DSE: variants seen among roughly 807,000 people sequenced by gnomAD.
DSE encodes the protein dermatan-sulfate epimerase.
In DSE, 36 loss-of-function variants were observed where a neutral mutation model predicts 84.4. That is an observed-to-expected ratio of 0.43 (90% CI 0.33 to 0.56). DSE has a LOEUF of 0.56. Among genes scored for constraint, DSE ranks in the 20% least tolerant of loss-of-function variants. The pLI is 0.06. For synonymous variants in DSE, 410 were observed against 430.1 expected (o/e 0.95, Z 0.58); for missense variants, 862 against 1,169.6 (o/e 0.74, Z 3.84).
At chr6:116,392,348 G>A (rs1780961841) in intron 1 of DSE, among the ~76,000 whole-genome samples, 2 of 152,170 alleles carry the variant, frequency 1.3e-5, no homozygotes, top group South Asian at 2.1e-4. Context: ...TGTTTTCCAC[G>A]GGAGAGGGTG....
intron 2 of DSE, among the ~76,000 whole-genome samples, chr6:116,416,184 C>T (rs1044666462): frequency 1.3e-5 from 2 of 152,136 alleles, no homozygotes; most frequent in South Asian, 2.1e-4. Context: ...TTTAAGGACC[C>T]GTGTGACTAG....
intron 2 of DSE, among the ~76,000 whole-genome samples, chr6:116,404,019 A>G (rs1451280650): frequency 6.6e-6 from 1 of 152,168 alleles, no homozygotes; most frequent in Non-Finnish European, 1.5e-5. Context: ...AGCCCAGGCT[A>G]CTTTTTTCCT....
chr6:116,391,155 G>A (rs928496552), intron 1 of DSE, among the ~76,000 whole-genome samples: 3 of 152,152 alleles, frequency 2.0e-5, no homozygotes, highest in African/African-American at 7.2e-5. Context: ...AAGAAAGTGG[G>A]CTTCACATTA....
chr6:116,302,174 T>C (rs762064707), intron 2 of DSE, among the ~76,000 whole-genome samples: 26 of 152,196 alleles, frequency 1.7e-4, no homozygotes, highest in Non-Finnish European at 3.7e-4. Flanking sequence ...CTGGGTCAAA[T>C]GGTATTTCTG....
intron 2 of DSE, chr6:116,279,666 C>G: frequency 6.2e-7 from 1 of 1,607,700 alleles, no homozygotes; most frequent in Non-Finnish European, 8.5e-7. Context: ...GCGCGACGGT[C>G]TCCGAGCCTC....
intron 2 of DSE, among the ~76,000 whole-genome samples, chr6:116,356,024 G>A (rs1778550639): frequency 6.6e-6 from 1 of 152,152 alleles, no homozygotes; most frequent in African/African-American, 2.4e-5. Context: ...CATGACTATT[G>A]CTTCCCTTAT....
At chr6:116,254,303 CTG>C in intron 1 of DSE, 1 of 627,258 alleles carries the variant, frequency 1.6e-6, no homozygotes, top group Non-Finnish European at 3.0e-6. Flanking sequence ...CATGTAAGAA[CTG>C]TGTTAATGTG....
At chr6:116,384,904 T>A (rs1220929814) in intron 1 of DSE, among the ~76,000 whole-genome samples, 1 of 152,024 alleles carries the variant, frequency 6.6e-6, no homozygotes. Flanking sequence ...ATAAGTGCCA[T>A]GAAGAGAAAT....
At chr6:116,333,921 A>T (rs1777094271) in intron 2 of DSE, among the ~76,000 whole-genome samples, 1 of 152,178 alleles carries the variant, frequency 6.6e-6, no homozygotes, top group South Asian at 2.1e-4. Flanking sequence ...GCAGTGAGCC[A>T]TGAATGCACC....
chr6:116,303,858 C>T lies in DSE; in HGVS notation c.-54+44891C>T, dbSNP rs943631810. 7.9e-5 allele frequency among the ~76,000 whole-genome samples: 12 copies of T among 152,008 alleles called. No homozygotes were observed. In the East Asian group the frequency reaches 1.2e-3, roughly 15 times the overall value. Reference sequence around the variant, plus strand: ...CCTGCAATAAGAAACAGTGGGGGCCCGGTGCGGTGGCTCATGCCTGTAATC... The same window carrying T: ...CCTGCAATAAGAAACAGTGGGGGCCTGGTGCGGTGGCTCATGCCTGTAATC... On this transcript the variant is annotated intron_variant, in intron 2 of 3. Transcript: ENST00000430252.
At chr6:116,381,695 A>G (rs1583137180) in intron 1 of DSE, among the ~76,000 whole-genome samples, 2 of 152,176 alleles carry the variant, frequency 1.3e-5, no homozygotes, top group South Asian at 2.1e-4. Context: ...GGCACTTGGC[A>G]AGCACAATAA....
chr6:116,387,974 A>G (rs943424440), intron 1 of DSE, among the ~76,000 whole-genome samples: 10 of 152,130 alleles, frequency 6.6e-5, no homozygotes, highest in Non-Finnish European at 1.3e-4. Context: ...GGGTTTTTCT[A>G]ATGGGAATTT....
rs532969271 is a variant in DSE at position 116,406,219 on chromosome 6, C to T, written c.416+6553C>T. On this transcript the variant is annotated intron_variant, in intron 2 of 5. Coordinates refer to ENST00000644252, the MANE Select transcript of DSE (RefSeq NM_013352.4). Reference sequence around the variant, plus strand: ...GATACCTTTTTAAATGCAACATGGGCGGGCTTTCAGAGTTGTCAGAGGGAA... The same window carrying T: ...GATACCTTTTTAAATGCAACATGGGTGGGCTTTCAGAGTTGTCAGAGGGAA... 1.9e-4 allele frequency among the ~76,000 whole-genome samples: 29 copies of T among 152,230 alleles called. 1 individual carries two copies. The South Asian group carries it at 4.8e-3, about 25-fold the overall frequency.
rs532122274 is a variant in DSE, at chr6:116,361,634, C to T, written c.-53-37564C>T. On this transcript the variant is annotated intron_variant, in intron 2 of 3. Transcript: ENST00000430252. ...TCCTGCCACTGTACTCCAGCCTGGG[C>T]AACAGAGCAAGACCCCATCTCTGGA... Among the ~76,000 whole-genome samples, 3 of 152,170 alleles carry T rather than the reference C, an allele frequency of 2.0e-5. No individual in the cohort carries two copies. The East Asian group carries it at 5.8e-4, about 29-fold the overall frequency.
intron 2 of DSE, among the ~76,000 whole-genome samples, chr6:116,297,340 C>T (rs976517906): frequency 3.3e-5 from 5 of 152,082 alleles, no homozygotes; most frequent in Non-Finnish European, 7.4e-5. Flanking sequence ...AAGGTCCCAG[C>T]GGGCCCCCAT....
At chr6:116,394,560 C>T (rs190443129) in intron 1 of DSE, among the ~76,000 whole-genome samples, 7 of 152,178 alleles carry the variant, frequency 4.6e-5, no homozygotes, top group Admixed American at 3.9e-4. Context: ...CTCAGCCTCC[C>T]GAGTAGCTGG....
chr6:116,324,084 A>G (rs1159139830), intron 2 of DSE, among the ~76,000 whole-genome samples: 1 of 152,144 alleles, frequency 6.6e-6, no homozygotes, highest in African/African-American at 2.4e-5. Context: ...TTCAGCAGTT[A>G]ATAGGTCCCC....
chr6:116,430,656 C>T (rs1364850702), intron 3 of DSE, among the ~76,000 whole-genome samples: 1 of 152,208 alleles, frequency 6.6e-6, no homozygotes, highest in Non-Finnish European at 1.5e-5. Flanking sequence ...ATTCTCCTTC[C>T]TCAGCCCCCC....
At chr6:116,348,378 G>C (rs1391797594) in intron 2 of DSE, among the ~76,000 whole-genome samples, 1 of 151,432 alleles carries the variant, frequency 6.6e-6, no homozygotes, top group Non-Finnish European at 1.5e-5. Context: ...AGTGAGCCGA[G>C]ATCGTGCCAC....
Sources: gnomAD v4.1 joint callset for allele counts (sites outside exome capture counted in the v4.1 genomes callset) on GRCh38, gnomAD v4.1.1 for gene constraint, MANE v1.5 for transcripts, NCBI Gene and HGNC (gene_info 2026-07-23, HGNC 2026-07-21) for gene names.